ZNF33A: variants seen among roughly 807,000 people sequenced by gnomAD.
The protein encoded by ZNF33A is brain my041 protein.
A neutral mutation model predicts 15.9 loss-of-function variants in ZNF33A; 9 were observed. That is an observed-to-expected ratio of 0.57 (90% CI 0.34 to 0.99). The LOEUF (loss-of-function observed/expected upper bound fraction) is 0.99. Among genes scored for constraint, ZNF33A ranks in the 50% least tolerant of loss-of-function variants. ZNF33A has a pLI of 0.02. For synonymous variants in ZNF33A, 294 were observed against 324.2 expected (o/e 0.91, Z 1.00); for missense variants, 843 against 941.6 (o/e 0.90, Z 1.37).
chr10:38,027,184 CT>C (rs896954315), intron 4 of ZNF33A, among the ~76,000 whole-genome samples: 65 of 144,570 alleles, frequency 4.5e-4, no homozygotes, highest in Admixed American at 5.6e-4. Context: ...ATTTTCTTTT[CT>C]TTTTTTTTTT....
chr10:38,054,675 A>G lies in ZNF33A; in HGVS notation c.551A>G (p.Glu184Gly). Residue 184 changes from glutamate (E) to glycine (G), a missense_variant, in exon 5 of 5, where the codon GAA (glutamate) becomes GGA (glycine). By Grantham distance (98) the Glu-to-Gly change is moderately conservative. Transcript: ENST00000432900. ...TTGTTACTCAATATTAAGCATGATGAAACTCATACTCAAGAGAAAAATGAA... is the reference window on the plus strand; with the variant it reads ...TTGTTACTCAATATTAAGCATGATGGAACTCATACTCAAGAGAAAAATGAA... ...GKLLLNIKHD[E>G]THTQEKNEVL... The G allele has an allele frequency of 6.2e-7, 1 of 1,613,786 alleles. No homozygotes were observed. The highest frequency in any genetic ancestry group is 1.1e-5 in the South Asian group (1 of 91,008).
downstream of ZNF33A, among the ~76,000 whole-genome samples, chr10:38,063,651 G>C: frequency 6.6e-6 from 1 of 152,140 alleles, no homozygotes; most frequent in East Asian, 1.9e-4. Context: ...TAGATAGTGA[G>C]GTAACTTCTA....
At chr10:38,011,506 C>T (rs1176009641) in intron 1 of ZNF33A, among the ~76,000 whole-genome samples, 1 of 151,960 alleles carries the variant, frequency 6.6e-6, no homozygotes, top group East Asian at 1.9e-4. Flanking sequence ...ACCCGGGAGG[C>T]GGAGGTTACA....
chr10:38,049,144 A>G (rs868308259), intron 4 of ZNF33A, among the ~76,000 whole-genome samples: 53 of 152,282 alleles, frequency 3.5e-4, no homozygotes, highest in African/African-American at 1.3e-3. Flanking sequence ...AAAATCCCTA[A>G]TAGTTGGAAA....
At chr10:38,041,343 A>G (rs943068301) in intron 4 of ZNF33A, among the ~76,000 whole-genome samples, 1 of 149,292 alleles carries the variant, frequency 6.7e-6, no homozygotes, top group African/African-American at 2.5e-5. Flanking sequence ...AATATATTTT[A>G]GTATAACATT....
intron 4 of ZNF33A, among the ~76,000 whole-genome samples, chr10:38,034,239 C>T (rs565814470): frequency 6.6e-6 from 1 of 152,286 alleles, no homozygotes; most frequent in Non-Finnish European, 1.5e-5. Context: ...TTTTATTTAG[C>T]ACCTGCTGAT....
intron 2 of ZNF33A, among the ~76,000 whole-genome samples, chr10:38,014,503 T>C (rs1189447601): frequency 6.6e-6 from 1 of 152,236 alleles, no homozygotes; most frequent in Non-Finnish European, 1.5e-5. Flanking sequence ...GCATTCACAT[T>C]TACATCTCTT....
intron 4 of ZNF33A, among the ~76,000 whole-genome samples, chr10:38,049,986 TAAAC>T (rs1202478451): frequency 6.6e-6 from 1 of 152,194 alleles, no homozygotes; most frequent in African/African-American, 2.4e-5. Flanking sequence ...TTCCTTCAAA[TAAAC>T]AGCTACTACT....
Position 38,016,878 on chromosome 10 carries a change from A to G in ZNF33A, c.17A>G (p.Gln6Arg), listed in dbSNP as rs1201707723. The change falls in exon 3 of 5, where the codon CAG becomes CGG. Residue 6 changes from glutamine to arginine, a missense_variant. Gln to Arg is a conservative substitution (Grantham distance 43). Transcript: ENST00000432900. MNKVE[Q>R]KSQESVSFKD... The stretch of plus-strand genomic sequence containing the variant: ...TAATTCTGAATGTTTCAGGTAGAAC[A>G]GAAGTCCCAGGAGTCAGTATCATTT... The G allele has an allele frequency of 6.2e-7, 1 of 1,613,736 alleles. No individual in the cohort carries two copies. Among genetic ancestry groups the G allele is most frequent in the Non-Finnish European group, 8.5e-7 (1 of 1,179,970 alleles).
chr10:38,064,671 A>T (rs2066692443), downstream of ZNF33A: 1 of 151,742 alleles, frequency 6.6e-6, no homozygotes, highest in Admixed American at 6.6e-5. Flanking sequence ...CTCTTCCTTC[A>T]CCTCTTCCCC....
chr10:38,034,437 G>A (rs2065349248), intron 4 of ZNF33A, among the ~76,000 whole-genome samples: 1 of 152,152 alleles, frequency 6.6e-6, no homozygotes, highest in African/African-American at 2.4e-5. Flanking sequence ...TGTGTCTGAT[G>A]TTTTTCTCAA....
In ZNF33A at chr10:38,057,368, A is replaced by C. The variant is rs1412744842; in HGVS notation, c.*808A>C. The C allele has an allele frequency of 1.0e-6, 1 of 985,336 alleles. No homozygotes were observed. The highest frequency in any genetic ancestry group is 6.1e-5 in the Admixed American group (1 of 16,270). The allele number at this position is 985,336 out of a possible 1,614,324, so 61.0% of individuals were successfully genotyped here. ...TAAAGCACAGATAAATTGAATAATCAGGGCAATAGCATTAAGCACATCTGC... is the reference window on the plus strand; with the variant it reads ...TAAAGCACAGATAAATTGAATAATCCGGGCAATAGCATTAAGCACATCTGC... On this transcript the variant is annotated 3_prime_UTR_variant, in exon 5 of 5. Coordinates refer to ENST00000432900, the MANE Select transcript of ZNF33A (RefSeq NM_006954.2).
downstream of ZNF33A, among the ~76,000 whole-genome samples, chr10:38,060,409 C>G (rs1347584853): frequency 1.3e-5 from 2 of 152,086 alleles, no homozygotes; most frequent in African/African-American, 2.4e-5. Flanking sequence ...TCACCAAACC[C>G]CTCACATCCT....
chr10:38,053,136 G>T (rs1416273789), intron 4 of ZNF33A, among the ~76,000 whole-genome samples: 3 of 151,970 alleles, frequency 2.0e-5, no homozygotes, highest in Non-Finnish European at 4.4e-5. Context: ...TTTCAGTCAA[G>T]TGTAGTTTCC....
At chr10:38,030,314 GGTAATA>G (rs1394541290) in intron 4 of ZNF33A, among the ~76,000 whole-genome samples, 10 of 152,238 alleles carry the variant, frequency 6.6e-5, no homozygotes, top group African/African-American at 2.2e-4. Context: ...CAGTTTTATG[GGTAATA>G]GCCCAAACCT....
At chr10:38,048,486 T>C (rs1453647579) in intron 4 of ZNF33A, among the ~76,000 whole-genome samples, 1 of 151,156 alleles carries the variant, frequency 6.6e-6, no homozygotes, top group Non-Finnish European at 1.5e-5. Context: ...ACACCCCATT[T>C]AAAGACAGAG....
chr10:38,028,747 C>T (rs2065092460), intron 4 of ZNF33A, among the ~76,000 whole-genome samples: 1 of 152,190 alleles, frequency 6.6e-6, no homozygotes, highest in South Asian at 2.1e-4. Flanking sequence ...GAATTACAGG[C>T]ATGAGCCCAC....
At position 38,056,041 on chromosome 10, in the gene ZNF33A, T is replaced by C. The variant is rs1590715195; in HGVS notation, c.1917T>C (p.Cys639=). The C allele has an allele frequency of 1.2e-6, 2 of 1,614,046 alleles. No homozygotes were observed. The highest frequency in any genetic ancestry group is 3.3e-5 in the Admixed American group (2 of 60,018). The change falls in exon 5 of 5, where the codon TGT becomes TGC. Residue 639 remains cysteine, a synonymous_variant. Coordinates refer to ENST00000432900, the MANE Select transcript of ZNF33A (RefSeq NM_006954.2). The stretch of plus-strand genomic sequence containing the variant: ...ACATAGGGGAGAAACCCTATAAATG[T>C]AATGAGTGTGGAAAAGCTTTCTGCC... ...RIHIGEKPYK[C]NECGKAFCHK...
At chr10:38,066,005 C>T (rs1257634705), downstream of ZNF33A, among the ~76,000 whole-genome samples, 1 of 152,052 alleles carries the variant, frequency 6.6e-6, no homozygotes, top group Non-Finnish European at 1.5e-5. Context: ...GACACACTTT[C>T]ATTCTGGGAT....
Sources: gnomAD v4.1 joint callset for allele counts (sites outside exome capture counted in the v4.1 genomes callset) on GRCh38, gnomAD v4.1.1 for gene constraint, MANE v1.5 for transcripts, NCBI Gene and HGNC (gene_info 2026-07-23, HGNC 2026-07-21) for gene names.